Variants in PCDHA6 observed in about 807,000 individuals in gnomAD.
PCDHA6 encodes protocadherin alpha-6.
A neutral mutation model predicts 60.3 loss-of-function variants in PCDHA6; 55 were observed. The ratio of observed to expected loss-of-function variants is 0.91; its 90% CI spans 0.73 to 1.14. The LOEUF is 1.14. Among genes scored for constraint, PCDHA6 ranks in the 50% most tolerant of loss-of-function variants. The pLI, the probability that PCDHA6 is intolerant of heterozygous loss-of-function variation, is 0.00. For synonymous variants in PCDHA6, 652 were observed against 557.9 expected (o/e 1.17, Z -2.38); for missense variants, 1,327 against 1,256.5 (o/e 1.06, Z -0.85).
At chr5:140,926,131 A>G (rs2082931602) in intron 1 of PCDHA6, among the ~76,000 whole-genome samples, 1 of 152,076 alleles carries the variant, frequency 6.6e-6, no homozygotes, top group Non-Finnish European at 1.5e-5. Context: ...TTCAACCCGC[A>G]GCAGGATCCA....
intron 1 of PCDHA6, chr5:140,850,781 G>A: frequency 6.3e-7 from 1 of 1,598,212 alleles, no homozygotes; most frequent in East Asian, 2.2e-5. Context: ...GCTCTGGCGA[G>A]GGTAAGCAGA....
chr5:140,927,256 C>T, intron 1 of PCDHA6: 1 of 1,614,144 alleles, frequency 6.2e-7, no homozygotes, highest in Non-Finnish European at 8.5e-7. Context: ...TGACAACTCA[C>T]CTCTCTTTCC....
chr5:141,004,806 T>C (rs1326385428), intron 3 of PCDHA6, among the ~76,000 whole-genome samples: 1 of 152,196 alleles, frequency 6.6e-6, no homozygotes, highest in Non-Finnish European at 1.5e-5. Flanking sequence ...CTGAGCTCAA[T>C]TGCAGATTTG....
Position 141,011,490 on chromosome 5 carries a change from A to T in PCDHA6, c.*1553A>T, listed in dbSNP as rs2098420792. On this transcript the variant is annotated 3_prime_UTR_variant, in exon 4 of 4. Transcript: ENST00000529310. ...GTAATTCCATTATATTTCCTTTTGT[A>T]CACCTGTGAAAAAGTGGAGTAGTGT... The T allele has an allele frequency of 1.3e-5, 2 of 153,734 alleles. No homozygotes were observed. The highest frequency in any genetic ancestry group is 2.9e-5 in the Non-Finnish European group (2 of 68,036). 9.5% of individuals were successfully genotyped at this position (153,734 alleles called of 1,614,324 possible). A position where few individuals can be genotyped will look rare whatever the true frequency, so the allele number is the denominator to read the frequency against.
At chr5:140,850,446 G>C in intron 1 of PCDHA6, 1 of 1,598,030 alleles carries the variant, frequency 6.3e-7, no homozygotes, top group South Asian at 1.1e-5. Context: ...ACTGGTGCTG[G>C]TGAAAGACCA....
chr5:140,856,138 C>T (rs1463600919), intron 1 of PCDHA6: 4 of 1,598,158 alleles, frequency 2.5e-6, no homozygotes, highest in East Asian at 4.5e-5. Flanking sequence ...GCGGCCAGCT[C>T]CACTACTCAG....
In PCDHA6 at chr5:140,830,441, G is replaced by C. The variant is rs1251933211; in HGVS notation, c.2350G>C (p.Gly784Arg). ...CCTTTCACCTTGTCCTATTATGATG[G>C]GTAAGGCGGAGAATCAGGATTTAAA... ...PSLSPCPIMM[G>R]KAENQDLNED... Residue 784 changes from glycine (G) to arginine (R), a missense_variant, in exon 1 of 4, where the codon GGT becomes CGT. Transcript: ENST00000529310. 9 of 1,608,106 alleles carry C rather than the reference G, an allele frequency of 5.6e-6. No individual in the cohort carries two copies. The highest frequency in any genetic ancestry group is 7.7e-6 in the Non-Finnish European group (9 of 1,176,128).
intron 1 of PCDHA6, chr5:140,967,190 AACG>A (rs781897780): frequency 6.2e-7 from 1 of 1,613,418 alleles, no homozygotes; most frequent in Non-Finnish European, 8.5e-7. Context: ...ATTGGACATC[AACG>A]ACAACTCACC....
rs2150160654 is a variant in PCDHA6, at chr5:140,828,910, G to C, written c.819G>C (p.Ala273=). 5.1e-4 allele frequency: 824 copies of C among 1,613,504 alleles called. 1 individual carries two copies. Among genetic ancestry groups the C allele is most frequent in the East Asian group, 3.0e-3 (136 of 44,886 alleles). Residue 273 remains alanine, a synonymous_variant, in exon 1 of 4, where the codon GCG becomes GCC. Coordinates refer to ENST00000529310, the MANE Select transcript of PCDHA6 (RefSeq NM_018909.4). ...RLNASDRDEG[A]NGAISYSFNS... ...ATGCTTCTGATCGGGATGAAGGAGC[G>C]AATGGGGCAATTTCATATTCTTTTA... is the stretch of plus-strand genomic sequence containing the variant.
chr5:140,830,038 G>A lies in PCDHA6; in HGVS notation c.1947G>A (p.Val649=), dbSNP rs2150180087. 6.2e-7 allele frequency: 1 copy of A among 1,613,882 alleles called. No homozygotes were observed. Among genetic ancestry groups the A allele is most frequent in the Admixed American group, 1.7e-5 (1 of 60,026 alleles). ...EADSPRHRLL[V]LVKDHGEPAL... Reference sequence around the variant, plus strand: ...ACTCTCCGCGCCACCGGCTGCTGGTGCTGGTGAAAGACCACGGTGAGCCGG... The same window carrying A: ...ACTCTCCGCGCCACCGGCTGCTGGTACTGGTGAAAGACCACGGTGAGCCGG... Residue 649 remains valine (V), a synonymous_variant, in exon 1 of 4, where the codon GTG becomes GTA. Coordinates refer to ENST00000529310, the MANE Select transcript of PCDHA6 (RefSeq NM_018909.4).
chr5:140,963,216 T>C (rs868943222), intron 1 of PCDHA6, among the ~76,000 whole-genome samples: 24 of 152,176 alleles, frequency 1.6e-4, no homozygotes, highest in Admixed American at 1.2e-3. Context: ...ACCTCGTGTT[T>C]AGAGTAGACA....
chr5:140,950,279 C>G (rs938821559), intron 1 of PCDHA6, among the ~76,000 whole-genome samples: 11 of 151,924 alleles, frequency 7.2e-5, no homozygotes, highest in African/African-American at 2.4e-4. Flanking sequence ...TGTCTTTTTG[C>G]TTCAACCTGA....
At chr5:140,938,041 G>T (rs2091894997) in intron 1 of PCDHA6, among the ~76,000 whole-genome samples, 1 of 151,764 alleles carries the variant, frequency 6.6e-6, no homozygotes, top group African/African-American at 2.4e-5. Flanking sequence ...TTTATATTTT[G>T]GGTTTTCTAC....
At chr5:140,927,795 G>A (rs781829757) in intron 1 of PCDHA6, 39 of 1,614,144 alleles carry the variant, frequency 2.4e-5, no homozygotes, top group Non-Finnish European at 3.2e-5. Context: ...CACTAGGTCC[G>A]CCTGAAACGC....
intron 1 of PCDHA6, chr5:140,848,334 A>T: frequency 2.4e-6 from 2 of 850,772 alleles, no homozygotes; most frequent in Non-Finnish European, 3.7e-6. Context: ...CTCTGAATCC[A>T]GACAAATACA....
At chr5:140,959,815 C>T (rs1239999748) in intron 1 of PCDHA6, among the ~76,000 whole-genome samples, 1 of 151,920 alleles carries the variant, frequency 6.6e-6, no homozygotes, top group Non-Finnish European at 1.5e-5. Context: ...TATATTTTAC[C>T]CACATGATAA....
At chr5:140,922,841 A>G (rs982832745) in intron 1 of PCDHA6, among the ~76,000 whole-genome samples, 67 of 152,372 alleles carry the variant, frequency 4.4e-4, no homozygotes, top group African/African-American at 1.5e-3. Flanking sequence ...GATGTCCTCA[A>G]AGAGACCAAA....
At chr5:140,917,242 T>C (rs564284004) in intron 1 of PCDHA6, among the ~76,000 whole-genome samples, 1 of 151,850 alleles carries the variant, frequency 6.6e-6, no homozygotes, top group African/African-American at 2.4e-5. Flanking sequence ...ATCTAGGTAC[T>C]ACGATTGCTC....
chr5:140,834,218 G>A (rs2150214230), intron 1 of PCDHA6: 2 of 668,586 alleles, frequency 3.0e-6, no homozygotes, highest in Non-Finnish European at 5.0e-6. Flanking sequence ...TTCGTAATCA[G>A]CAAAAGGAAG....
Sources: gnomAD v4.1 joint callset for allele counts (sites outside exome capture counted in the v4.1 genomes callset) on GRCh38, gnomAD v4.1.1 for gene constraint, MANE v1.5 for transcripts, NCBI Gene and HGNC (gene_info 2026-07-23, HGNC 2026-07-21) for gene names.